Variants in FBRSL1 observed in about 807,000 individuals in gnomAD.
FBRSL1 encodes the protein fibrosin-1-like protein.
Under a neutral mutation model 89.6 loss-of-function variants are expected in FBRSL1, and 51 were observed. That is an observed-to-expected ratio of 0.57 (90% CI 0.45 to 0.72). FBRSL1 has a LOEUF of 0.72. Among genes scored for constraint, FBRSL1 ranks in the 30% least tolerant of loss-of-function variants. The pLI is 0.00. For synonymous variants in FBRSL1, 779 were observed against 681.1 expected (o/e 1.14, Z -2.24); for missense variants, 1,618 against 1,451.8 (o/e 1.11, Z -1.86).
At chr12:132,576,596 G>T (rs543510270) in intron 14 of FBRSL1, among the ~76,000 whole-genome samples, 102 of 152,350 alleles carry the variant, frequency 6.7e-4, no homozygotes, top group Non-Finnish European at 9.7e-4. Context: ...TTCAGAGGAC[G>T]TGAGCTCTCC....
chr12:132,510,129 CG>C, intron 2 of FBRSL1: 1 of 1,224,992 alleles, frequency 8.2e-7, no homozygotes, highest in Non-Finnish European at 1.0e-6. Context: ...CCCACCCAAG[CG>C]GCCGCTCATG....
At chr12:132,542,783 C>A (rs906241195) in intron 4 of FBRSL1, among the ~76,000 whole-genome samples, 1 of 152,264 alleles carries the variant, frequency 6.6e-6, no homozygotes, top group Middle Eastern at 3.2e-3. Context: ...CGCAGGGTCC[C>A]TGCTTATGAA....
intron 1 of FBRSL1, among the ~76,000 whole-genome samples, chr12:132,504,548 G>A (rs1404639064): frequency 6.6e-6 from 1 of 152,102 alleles, no homozygotes; most frequent in Non-Finnish European, 1.5e-5. Context: ...CCTTCTTGGA[G>A]GGCCCCTGTG....
At chr12:132,525,065 G>A (rs1432651918) in intron 2 of FBRSL1, among the ~76,000 whole-genome samples, 3 of 152,008 alleles carry the variant, frequency 2.0e-5, no homozygotes, top group Admixed American at 6.5e-5. Context: ...GGCGGTGGGC[G>A]TGGGGCGTGG....
At chr12:132,525,064 C>T (rs150296741) in intron 2 of FBRSL1, among the ~76,000 whole-genome samples, 1 of 123,406 alleles carries the variant, frequency 8.1e-6, no homozygotes, top group African/African-American at 3.1e-5. Flanking sequence ...TGGCGGTGGG[C>T]GTGGGGCGTG....
At chr12:132,567,168 C>T (rs899892246) in intron 5 of FBRSL1, among the ~76,000 whole-genome samples, 15 of 152,176 alleles carry the variant, frequency 9.9e-5, no homozygotes, top group Non-Finnish European at 1.9e-4. Context: ...AATGCCGGCG[C>T]TCCCCCAGTC....
chr12:132,522,699 G>T (rs1022337690), intron 2 of FBRSL1, among the ~76,000 whole-genome samples: 2 of 152,204 alleles, frequency 1.3e-5, no homozygotes, highest in African/African-American at 4.8e-5. Flanking sequence ...TAACTGGACA[G>T]ACTCAGCCTT....
chr12:132,515,766 G>A (rs2034783669), intron 2 of FBRSL1, among the ~76,000 whole-genome samples: 2 of 152,058 alleles, frequency 1.3e-5, no homozygotes, highest in Admixed American at 1.3e-4. Flanking sequence ...CAGGCACGGT[G>A]GCGCACACCT....
intron 5 of FBRSL1, among the ~76,000 whole-genome samples, chr12:132,561,533 C>G (rs550897451): frequency 6.6e-6 from 1 of 152,298 alleles, no homozygotes; most frequent in South Asian, 2.1e-4. Context: ...TTGGGTTGGC[C>G]GTCAAACTGC....
intron 1 of FBRSL1, among the ~76,000 whole-genome samples, chr12:132,503,555 G>A (rs750911342): frequency 3.3e-5 from 5 of 152,236 alleles, no homozygotes; most frequent in African/African-American, 4.8e-5. Context: ...TCCCACCTTC[G>A]CAGCTGGAGG....
intron 2 of FBRSL1, among the ~76,000 whole-genome samples, chr12:132,518,969 CTGTT>C (rs1263467574): frequency 2.2e-4 from 34 of 152,082 alleles, no homozygotes; most frequent in African/African-American, 8.2e-4. Context: ...ATTCATCTAC[CTGTT>C]TGTCCATCCA....
chr12:132,537,856 G>A (rs533313823), intron 4 of FBRSL1, among the ~76,000 whole-genome samples: 27 of 152,346 alleles, frequency 1.8e-4, no homozygotes, highest in Non-Finnish European at 3.4e-4. Flanking sequence ...CAACAGACAA[G>A]ACCATGGATA....
chr12:132,519,831 C>G (rs962836103), intron 2 of FBRSL1, among the ~76,000 whole-genome samples: 1 of 151,122 alleles, frequency 6.6e-6, no homozygotes, highest in Non-Finnish European at 1.5e-5. Context: ...TCGCTTGAAC[C>G]CGGGAGGCAG....
At chr12:132,554,822 C>T (rs113511141) in intron 5 of FBRSL1, 74 of 152,232 alleles carry the variant, frequency 4.9e-4, no homozygotes, top group African/African-American at 1.8e-3. Context: ...TGGTGTGCGC[C>T]TATAATCCCA....
intron 5 of FBRSL1, among the ~76,000 whole-genome samples, chr12:132,564,553 T>C (rs571096602): frequency 0.38 from 50,627 of 132,186 alleles, 11,034 homozygotes; most frequent in East Asian, 0.82. Context: ...TGGAGTCCAG[T>C]GGTACGATCT....
In FBRSL1 at chr12:132,526,487, C is replaced by T. The variant is rs74795900; in HGVS notation, c.579+664C>T. Among the ~76,000 whole-genome samples, 551 of 152,336 alleles carry T rather than the reference C, an allele frequency of 3.6e-3. 15 individuals carry two copies. In the East Asian group the frequency reaches 0.083, roughly 23 times the overall value. ...TCAAACTCAGGGCAACGAAGGCCCTCCCACCCCTCTGGCAGCTGGGAGCTG... is the reference window on the plus strand; with the variant it reads ...TCAAACTCAGGGCAACGAAGGCCCTTCCACCCCTCTGGCAGCTGGGAGCTG... On this transcript the variant is annotated intron_variant, in intron 3 of 18. Transcript: ENST00000680143.
At chr12:132,533,232 G>T (rs2036448168) in intron 4 of FBRSL1, among the ~76,000 whole-genome samples, 1 of 135,888 alleles carries the variant, frequency 7.4e-6, no homozygotes, top group Non-Finnish European at 1.6e-5. Flanking sequence ...CCCAGCCACA[G>T]TCTCCTCCCG....
intron 5 of FBRSL1, among the ~76,000 whole-genome samples, chr12:132,555,586 A>C (rs1382759645): frequency 6.6e-6 from 1 of 151,870 alleles, no homozygotes; most frequent in African/African-American, 2.4e-5. Context: ...GGCCACACCC[A>C]CAAGTCTGGC....
At chr12:132,510,752 A>C in intron 2 of FBRSL1, 1 of 1,185,618 alleles carries the variant, frequency 8.4e-7, no homozygotes. Context: ...CAGTGCCCCC[A>C]CCCGCGTTGC....
Sources: gnomAD v4.1 joint callset for allele counts (sites outside exome capture counted in the v4.1 genomes callset) on GRCh38, gnomAD v4.1.1 for gene constraint, MANE v1.5 for transcripts, NCBI Gene and HGNC (gene_info 2026-07-23, HGNC 2026-07-21) for gene names.